The following ULK4 variants were observed in gnomAD, a reference collection of about 807,000 sequenced individuals.
The protein encoded by ULK4 is unc-51 like kinase 4, also known as inactive serine/threonine-protein kinase ULK4.
In ULK4, 133 loss-of-function variants were observed where a neutral mutation model predicts 160.6. The observed-to-expected ratio is 0.83, with a 90% CI of 0.72 to 0.96. ULK4 has a LOEUF of 0.96. Ranked by LOEUF, ULK4 falls within the 40% of genes least tolerant of loss-of-function variation. The probability of loss-of-function intolerance (pLI) is 0.00; values close to 1 mark genes in which losing one functional copy is unlikely to be tolerated. For missense variants in ULK4, 1,580 were observed against 1,499.5 expected (o/e 1.05, Z -0.89); for synonymous variants, 534 against 539.8 (o/e 0.99, Z 0.15).
At chr3:41,441,880 G>T (rs991608933) in intron 34 of ULK4, among the ~76,000 whole-genome samples, 5 of 151,994 alleles carry the variant, frequency 3.3e-5, no homozygotes, top group African/African-American at 1.2e-4. Flanking sequence ...AGCACTGTTA[G>T]GTCTATTTGA....
At chr3:41,568,595 A>G (rs139192364) in intron 31 of ULK4, among the ~76,000 whole-genome samples, 1 of 152,292 alleles carries the variant, frequency 6.6e-6, no homozygotes, top group East Asian at 1.9e-4. Flanking sequence ...TCATACAAGC[A>G]ACTAGCTAGC....
intron 34 of ULK4, among the ~76,000 whole-genome samples, chr3:41,411,162 T>G (rs543113188): frequency 1.3e-5 from 2 of 152,158 alleles, no homozygotes; most frequent in African/African-American, 4.8e-5. Flanking sequence ...AAAAACAAAA[T>G]CCTAAGGTCC....
At position 41,249,555 on chromosome 3, in the gene ULK4, T is replaced by C; in HGVS notation, c.3698A>G (p.His1233Arg). 1 of 1,614,038 alleles carries C rather than the reference T, an allele frequency of 6.2e-7. No individual in the cohort carries two copies. The highest frequency in any genetic ancestry group is 1.7e-5 in the Admixed American group (1 of 60,006). The change falls in exon 36 of 37, where the codon CAC becomes CGC. Residue 1233 changes from histidine (H) to arginine (R), a missense_variant. Coordinates refer to ENST00000301831, the MANE Select transcript of ULK4 (RefSeq NM_017886.4). ...GCCTGCATTCTTGAGGCTCTCCAAG[T>C]GCTTCTCATTGGAGGTGATCTGCAA... ...LRRMITSNEK[H>R]LESLKNAGSL...
chr3:41,876,566 A>G (rs1559623623), intron 17 of ULK4, among the ~76,000 whole-genome samples: 1 of 152,174 alleles, frequency 6.6e-6, no homozygotes, highest in Non-Finnish European at 1.5e-5. Flanking sequence ...CCATTCCTAC[A>G]CATATCCAAC....
intron 31 of ULK4, among the ~76,000 whole-genome samples, chr3:41,567,631 T>G (rs2087829182): frequency 1.3e-5 from 2 of 151,714 alleles, no homozygotes; most frequent in South Asian, 4.2e-4. Flanking sequence ...TTTTGTTTTG[T>G]TTTTTGTATT....
intron 30 of ULK4, among the ~76,000 whole-genome samples, chr3:41,649,707 C>A (rs1423893749): frequency 6.6e-6 from 1 of 152,216 alleles, no homozygotes; most frequent in Non-Finnish European, 1.5e-5. Flanking sequence ...CACAGGCCTA[C>A]AGGTGCCCCA....
intron 5 of ULK4, among the ~76,000 whole-genome samples, chr3:41,930,720 C>T (rs1410333112): frequency 6.6e-6 from 1 of 152,086 alleles, no homozygotes; most frequent in African/African-American, 2.4e-5. Context: ...ATTTATGCGG[C>T]CAACAAACAT....
chr3:41,814,473 C>T (rs1411065851), intron 19 of ULK4, among the ~76,000 whole-genome samples: 1 of 152,034 alleles, frequency 6.6e-6, no homozygotes, highest in Admixed American at 6.6e-5. Context: ...TGAGTTCTGT[C>T]ACTTTGGAGA....
intron 35 of ULK4, among the ~76,000 whole-genome samples, chr3:41,366,653 T>C (rs577347351): frequency 6.6e-6 from 1 of 152,298 alleles, no homozygotes; most frequent in East Asian, 1.9e-4. Context: ...TATCTGTATA[T>C]GTCTACAATT....
intron 34 of ULK4, among the ~76,000 whole-genome samples, chr3:41,418,937 G>C (rs749515852): frequency 1.4e-4 from 22 of 152,320 alleles, no homozygotes; most frequent in Non-Finnish European, 2.6e-4. Context: ...AGGGTTCTTT[G>C]AGAAGTGTTC....
At chr3:41,416,092 C>G (rs9846838) in intron 34 of ULK4, among the ~76,000 whole-genome samples, 28,126 of 152,092 alleles carry the variant, frequency 0.18, 2,765 homozygotes, top group Admixed American at 0.22. Flanking sequence ...AATGACCACG[C>G]TGATACAGCA....
At chr3:41,720,920 C>T (rs1449608986) in intron 22 of ULK4, among the ~76,000 whole-genome samples, 1 of 152,022 alleles carries the variant, frequency 6.6e-6, no homozygotes, top group Non-Finnish European at 1.5e-5. Context: ...GACACATACA[C>T]ATAGTTTGCT....
chr3:41,672,293 A>G (rs1224721905), intron 29 of ULK4, among the ~76,000 whole-genome samples: 1 of 152,194 alleles, frequency 6.6e-6, no homozygotes, highest in South Asian at 2.1e-4. Flanking sequence ...GCTATTCACA[A>G]TAGCAAAGAT....
At chr3:41,377,294 C>T (rs1345127157) in intron 35 of ULK4, among the ~76,000 whole-genome samples, 2 of 152,044 alleles carry the variant, frequency 1.3e-5, no homozygotes, top group Non-Finnish European at 2.9e-5. Flanking sequence ...TAGGCATTAC[C>T]ATCAGGACAT....
intron 17 of ULK4, chr3:41,882,392 T>C: frequency 3.1e-6 from 2 of 652,316 alleles, no homozygotes; most frequent in Non-Finnish European, 5.5e-6. Flanking sequence ...GTAGTATTCT[T>C]TTCTATAAGT....
chr3:41,823,332 G>C (rs1477680837), intron 18 of ULK4, among the ~76,000 whole-genome samples: 1 of 152,190 alleles, frequency 6.6e-6, no homozygotes, highest in Non-Finnish European at 1.5e-5. Flanking sequence ...TAGGAAGATA[G>C]TGAGGAATTA....
At chr3:41,913,556 T>C (rs1167141023) in intron 8 of ULK4, among the ~76,000 whole-genome samples, 1 of 152,204 alleles carries the variant, frequency 6.6e-6, no homozygotes, top group East Asian at 1.9e-4. Flanking sequence ...ATATATCAGA[T>C]ATCTATAATC....
chr3:41,754,751 C>G (rs1214470062), intron 21 of ULK4, among the ~76,000 whole-genome samples: 1 of 152,164 alleles, frequency 6.6e-6, no homozygotes, highest in Admixed American at 6.5e-5. Flanking sequence ...AAGCAATTTA[C>G]CCAAATTCAG....
chr3:41,713,092 A>C (rs895767419), intron 25 of ULK4, among the ~76,000 whole-genome samples: 4 of 152,054 alleles, frequency 2.6e-5, no homozygotes, highest in Middle Eastern at 3.2e-3. Context: ...AAAAAGAAAA[A>C]AAAAAGCCCT....
Sources: allele counts gnomAD v4.1 joint callset (sites outside exome capture counted in the v4.1 genomes callset), GRCh38; gene constraint gnomAD v4.1.1; transcripts MANE v1.5; gene names NCBI Gene and HGNC (gene_info 2026-07-23, HGNC 2026-07-21).